CSMD1: variants seen among roughly 807,000 people sequenced by gnomAD.
CSMD1 encodes CUB and sushi domain-containing protein 1.
In CSMD1, 213 loss-of-function variants were observed where a neutral mutation model predicts 417.5. The observed-to-expected ratio is 0.51, with a 90% CI of 0.46 to 0.57. The LOEUF (loss-of-function observed/expected upper bound fraction) is 0.57. Ranked by LOEUF, CSMD1 falls within the 20% of genes least tolerant of loss-of-function variation. The probability of loss-of-function intolerance (pLI) is 0.00; values close to 1 mark genes in which losing one functional copy is unlikely to be tolerated. For missense variants in CSMD1, 6,923 were observed against 4,529.7 expected (o/e 1.53, Z -15.17); for synonymous variants, 2,862 against 1,736.8 (o/e 1.65, Z -16.11).
intron 10 of CSMD1, among the ~76,000 whole-genome samples, chr8:3,505,502 A>T (rs886448567): frequency 6.6e-6 from 1 of 152,206 alleles, no homozygotes. Context: ...GTGCTTCATT[A>T]TGGCCCCTGT....
intron 3 of CSMD1, among the ~76,000 whole-genome samples, chr8:4,276,220 G>T (rs1023198168): frequency 1.3e-5 from 2 of 152,068 alleles, no homozygotes; most frequent in Non-Finnish European, 2.9e-5. Context: ...TGGAACTAAC[G>T]CAAATGCCCA....
chr8:3,229,961 A>G, intron 27 of CSMD1, 79 bp downstream of exon 27: 1 of 988,120 alleles, frequency 1.0e-6, no homozygotes, highest in East Asian at 2.6e-5. Context: ...CTGAAGAAAT[A>G]ATACATTTAC....
chr8:3,962,490 A>T (rs754362919), intron 5 of CSMD1, among the ~76,000 whole-genome samples: 32 of 152,310 alleles, frequency 2.1e-4, no homozygotes, highest in Non-Finnish European at 4.0e-4. Flanking sequence ...TGTTTATGAC[A>T]GCCAGCATGC....
chr8:3,841,514 G>A (rs1431150365), intron 5 of CSMD1, among the ~76,000 whole-genome samples: 2 of 152,054 alleles, frequency 1.3e-5, no homozygotes, highest in Non-Finnish European at 2.9e-5. Context: ...GATTTGTGGG[G>A]ATGTCTAGGG....
Position 4,260,884 on chromosome 8 carries a change from G to C in CSMD1, c.415+159069C>G, listed in dbSNP as rs188335242. Among the ~76,000 whole-genome samples the C allele has an allele frequency of 5.6e-3, 848 of 152,212 alleles. 9 individuals carry two copies. Among genetic ancestry groups the C allele is most frequent in the African/African-American group, 0.02 (813 of 41,518 alleles). ...AAAGACAAATCTTAATCTTTGTCGT[G>C]TTTGATATTATGATAGGAACACCAC... On this transcript the variant is annotated intron_variant, in intron 3 of 69. Transcript: ENST00000635120.
At chr8:3,816,911 A>G (rs2129080200) in intron 5 of CSMD1, among the ~76,000 whole-genome samples, 1 of 152,182 alleles carries the variant, frequency 6.6e-6, no homozygotes, top group Non-Finnish European at 1.5e-5. Context: ...TAAATTCTAT[A>G]TGGTCCTCCC....
At chr8:4,603,317 T>C (rs1800694013) in intron 2 of CSMD1, among the ~76,000 whole-genome samples, 1 of 152,116 alleles carries the variant, frequency 6.6e-6, no homozygotes. Flanking sequence ...TATTCAACTC[T>C]ATTTTATTAA....
At chr8:4,032,857 T>C (rs1290473151) in intron 3 of CSMD1, among the ~76,000 whole-genome samples, 1 of 152,074 alleles carries the variant, frequency 6.6e-6, no homozygotes, top group Non-Finnish European at 1.5e-5. Flanking sequence ...GATTCCAAAG[T>C]TAATCTGAAA....
At chr8:3,405,667 A>T (rs1812302050) in intron 15 of CSMD1, among the ~76,000 whole-genome samples, 1 of 152,182 alleles carries the variant, frequency 6.6e-6, no homozygotes, top group African/African-American at 2.4e-5. Context: ...GAATTTAGAC[A>T]CAGGGACAGA....
At position 4,170,136 on chromosome 8, in the gene CSMD1, G is replaced by A. The variant is rs118004845; in HGVS notation, c.416-138037C>T. The stretch of plus-strand genomic sequence containing the variant: ...TTTTCTCCCTCCAGGGGCTTCTCTT[G>A]TAAAAGTTACCCAAACCTCCTTGTT... On this transcript the variant is annotated intron_variant, in intron 3 of 69. Transcript: ENST00000635120. Among the ~76,000 whole-genome samples the A allele has an allele frequency of 5.3e-3, 806 of 151,874 alleles. 9 individuals are homozygous for A. Among genetic ancestry groups the A allele is most frequent in the Admixed American group, 9.2e-3 (141 of 15,284 alleles).
intron 3 of CSMD1, among the ~76,000 whole-genome samples, chr8:4,258,998 G>A (rs1037312290): frequency 2.0e-5 from 3 of 152,178 alleles, no homozygotes; most frequent in African/African-American, 7.2e-5. Context: ...AAGATTTCCT[G>A]CAGAAGAGAC....
chr8:4,340,641 G>C (rs1463914056), intron 3 of CSMD1, among the ~76,000 whole-genome samples: 2 of 152,070 alleles, frequency 1.3e-5, no homozygotes, highest in Admixed American at 6.6e-5. Context: ...GAGCCAAGTG[G>C]AGCTTGGTCG....
intron 10 of CSMD1, among the ~76,000 whole-genome samples, chr8:3,561,122 T>C (rs2116860772): frequency 6.6e-6 from 1 of 152,326 alleles, no homozygotes; most frequent in Admixed American, 6.5e-5. Context: ...AGCATGGCTA[T>C]TATTAAAATG....
intron 1 of CSMD1, among the ~76,000 whole-genome samples, chr8:4,882,274 C>T (rs1803455222): frequency 6.6e-6 from 1 of 151,736 alleles, no homozygotes; most frequent in Admixed American, 6.6e-5. Flanking sequence ...CTTCTCCTCC[C>T]ACCTCTCTAA....
intron 12 of CSMD1, among the ~76,000 whole-genome samples, chr8:3,436,163 C>T (rs562075934): frequency 6.6e-6 from 1 of 152,092 alleles, no homozygotes; most frequent in Non-Finnish European, 1.5e-5. Context: ...TTATTACCAC[C>T]TGGGAGAACA....
chr8:3,107,983 CA>C (rs1175984700), intron 44 of CSMD1, among the ~76,000 whole-genome samples, 185 bp from the exon 45 acceptor site: 1 of 151,968 alleles, frequency 6.6e-6, no homozygotes, highest in Non-Finnish European at 1.5e-5. Context: ...TATTTAGTGC[CA>C]AAAAACAGTT....
At chr8:4,451,925 A>G (rs78834227) in intron 2 of CSMD1, among the ~76,000 whole-genome samples, 3,466 of 149,648 alleles carry the variant, frequency 0.023, 126 homozygotes, top group African/African-American at 0.081. Context: ...CCAGAGATGT[A>G]AAATTTAATG....
At chr8:3,871,262 A>G (rs1033373646) in intron 5 of CSMD1, among the ~76,000 whole-genome samples, 1 of 152,114 alleles carries the variant, frequency 6.6e-6, no homozygotes, top group African/African-American at 2.4e-5. Context: ...TAATAATGCC[A>G]AATTACTCTT....
chr8:4,005,943 T>C (rs1563309831), intron 4 of CSMD1, among the ~76,000 whole-genome samples: 1 of 152,194 alleles, frequency 6.6e-6, no homozygotes, highest in Non-Finnish European at 1.5e-5. Flanking sequence ...TTTATGTTAA[T>C]TAATTTATTC....
Sources: allele counts gnomAD v4.1 joint callset (sites outside exome capture counted in the v4.1 genomes callset), GRCh38; gene constraint gnomAD v4.1.1; transcripts MANE v1.5; gene names NCBI Gene and HGNC (gene_info 2026-07-23, HGNC 2026-07-21).